Variants in NUDT17 observed in about 807,000 individuals in gnomAD.
NUDT17 encodes the protein m7GpppN-mRNA hydrolase NUDT17.
Under a neutral mutation model 38.6 loss-of-function variants are expected in NUDT17, and 38 were observed. The ratio of observed to expected loss-of-function variants is 0.98; its 90% CI spans 0.76 to 1.29. The LOEUF is 1.29. Ranked by LOEUF, NUDT17 falls within the 50% of genes most tolerant of loss-of-function variation. The pLI is 0.00. For missense variants in NUDT17, 462 were observed against 415.2 expected, an observed-to-expected ratio of 1.11 and a Z score of -0.98; for synonymous variants, 192 against 167.8, an observed-to-expected ratio of 1.14 and a Z score of -1.11.
chr1:145,848,015 C>T (rs1251159888), intron 6 of NUDT17, 97 bp from the exon 7 acceptor site: 2 of 1,384,896 alleles, frequency 1.4e-6, no homozygotes, highest in East Asian at 2.3e-5. Flanking sequence ...CACCCACCCA[C>T]CTCCTGTGGT....
At chr1:145,847,971 C>T in intron 6 of NUDT17, 141 bp from the exon 7 acceptor site, 1 of 989,608 alleles carries the variant, frequency 1.0e-6, no homozygotes. Flanking sequence ...TTTAACCCTC[C>T]TTGAACCTGT....
chr1:145,846,479 A>G (rs1652683417), intron 3 of NUDT17, 21 bp downstream of exon 3: 5 of 1,611,712 alleles, frequency 3.1e-6, no homozygotes, highest in Middle Eastern at 1.7e-4. Context: ...AGCTGATCCA[A>G]CCTGAGCCAA....
chr1:145,846,174 C>T lies in NUDT17; in HGVS notation c.354C>T (p.Ser118=), dbSNP rs138489130. ...LTRRARTLSV[S]PNLWVPPGGH... ...GAAGGGCACGCACCCTGAGCGTTTCCCCCAACCTCTGGGTACCCCCGGGTG... is the reference window on the plus strand; with the variant it reads ...GAAGGGCACGCACCCTGAGCGTTTCTCCCAACCTCTGGGTACCCCCGGGTG... Residue 118 remains serine (S), a synonymous_variant, in exon 2 of 8, where the codon TCC becomes TCT. Coordinates refer to ENST00000334513, the MANE Select transcript of NUDT17 (RefSeq NM_001012758.3). 13 of 1,592,244 alleles carry T rather than the reference C, an allele frequency of 8.2e-6. No homozygotes were observed. The African/African-American group carries it at 1.6e-4, about 20-fold the overall frequency.
chr1:145,846,014 G>C lies in NUDT17; in HGVS notation c.194G>C (p.Arg65Pro). 1 of 1,598,404 alleles carries C rather than the reference G, an allele frequency of 6.3e-7. No individual in the cohort carries two copies. ...PGASARLPLQRPPFCPFAALE... is the reference protein window; with the variant it reads ...PGASARLPLQPPPFCPFAALE... ...ACCCAGCTGGCTTCCTTCTGCCAGCGACCCCCTTTCTGCCCTTTTGCGGCC... is the reference window on the plus strand; with the variant it reads ...ACCCAGCTGGCTTCCTTCTGCCAGCCACCCCCTTTCTGCCCTTTTGCGGCC... Residue 65 changes from arginine (R) to proline (P), a missense_variant and splice_region_variant, in exon 2 of 8, where the codon CGA becomes CCA. By Grantham distance (103) the Arg-to-Pro change is moderately radical. Coordinates refer to ENST00000334513, the MANE Select transcript of NUDT17 (RefSeq NM_001012758.3).
rs1224318327 is a variant in NUDT17, at chr1:145,848,662, T to C, written c.*183T>C. On this transcript the variant is annotated 3_prime_UTR_variant, in exon 8 of 8. Transcript: ENST00000334513. ...AGGGCACAGGGTCCTTCCACCTCCCTGGAAAGGTGCAGAATGAGCCAGGCC... is the reference window on the plus strand; with the variant it reads ...AGGGCACAGGGTCCTTCCACCTCCCCGGAAAGGTGCAGAATGAGCCAGGCC... 1 of 583,582 alleles carries C rather than the reference T, an allele frequency of 1.7e-6. No homozygotes were observed. The highest frequency in any genetic ancestry group is 3.0e-6 in the Non-Finnish European group (1 of 329,550). 36.2% of individuals were successfully genotyped at this position (583,582 alleles called of 1,614,324 possible). A position where few individuals can be genotyped will look rare whatever the true frequency, so the allele number is the denominator to read the frequency against.
At chr1:145,846,781 A>G (rs1652712789) in intron 4 of NUDT17, 91 bp downstream of exon 4, 3 of 882,842 alleles carry the variant, frequency 3.4e-6, no homozygotes, top group Admixed American at 1.7e-5. Context: ...GTGGGCTGGA[A>G]TCCCCAAATC....
intron 2 of NUDT17, 29 bp downstream of exon 2, chr1:145,846,225 T>G: frequency 6.4e-7 from 1 of 1,556,704 alleles, no homozygotes; most frequent in Non-Finnish European, 8.7e-7. Flanking sequence ...AGGCCCCAAG[T>G]ACAGAGAAGA....
Position 145,846,010 on chromosome 1 carries a change from C to T in NUDT17, c.193-3C>T. On this transcript the variant is annotated splice_region_variant and splice_polypyrimidine_tract_variant and intron_variant, in intron 1 of 7. Coordinates refer to ENST00000334513, the MANE Select transcript of NUDT17 (RefSeq NM_001012758.3). ...CTTAACCCAGCTGGCTTCCTTCTGC[C>T]AGCGACCCCCTTTCTGCCCTTTTGC... 6.3e-7 allele frequency: 1 copy of T among 1,596,604 alleles called. No individual in the cohort carries two copies.
At chr1:145,847,465 T>C in intron 5 of NUDT17, 117 bp downstream of exon 5, 8 of 1,455,524 alleles carry the variant, frequency 5.5e-6, no homozygotes, top group African/African-American at 1.4e-5. Flanking sequence ...ACGAAGAATA[T>C]GCAATGCCCT....
chr1:145,846,374 G>C, intron 2 of NUDT17, 59 bp from the exon 3 acceptor site: 2 of 1,605,364 alleles, frequency 1.2e-6, no homozygotes, highest in Non-Finnish European at 1.7e-6. Context: ...TCAACAGTGA[G>C]TGGGGGCTCC....
chr1:145,846,838 C>A (rs1438590018), intron 4 of NUDT17, 148 bp downstream of exon 4: 16 of 677,974 alleles, frequency 2.4e-5, no homozygotes, highest in Non-Finnish European at 4.0e-5. Context: ...ACCATCCACG[C>A]CCTCAGCTTT....
At chr1:145,847,999 G>T in intron 6 of NUDT17, 113 bp from the exon 7 acceptor site, 1 of 1,266,812 alleles carries the variant, frequency 7.9e-7, no homozygotes. Context: ...CTGCAAATGA[G>T]GTCAACACCC....
rs1652805877 is a variant in NUDT17 at position 145,848,217 on chromosome 1, C to G, written c.837C>G (p.Ser279Arg). 1 of 1,614,206 alleles carries G rather than the reference C, an allele frequency of 6.2e-7. No homozygotes were observed. The highest frequency in any genetic ancestry group is 1.1e-5 in the South Asian group (1 of 91,082). ...PTMAEDKERVSTGTKFALKLW... is the reference protein window; with the variant it reads ...PTMAEDKERVRTGTKFALKLW... ...TGGCAGAGGACAAAGAGAGAGTCAG[C>G]ACTGGAACCAAGTTTGCCCTCAAGC... Residue 279 changes from serine to arginine, a missense_variant, in exon 7 of 8, where the codon AGC becomes AGG. Coordinates refer to ENST00000334513, the MANE Select transcript of NUDT17 (RefSeq NM_001012758.3).
At chr1:145,847,510 C>T (rs782529910) in intron 5 of NUDT17, 73 bp from the exon 6 acceptor site, 27 of 1,581,092 alleles carry the variant, frequency 1.7e-5, no homozygotes, top group East Asian at 2.2e-5. Context: ...ATGAAACCTG[C>T]GGGTAGGTTT....
At chr1:145,846,261 T>G (rs782558643) in intron 2 of NUDT17, 65 bp downstream of exon 2, 3 of 1,515,004 alleles carry the variant, frequency 2.0e-6, no homozygotes, top group Non-Finnish European at 2.7e-6. Context: ...CGCAACAATG[T>G]TTTTCCCAGT....
rs1553732067 is a variant in NUDT17, at chr1:145,845,715, C to T, written c.75C>T (p.Gly25=). 2.6e-6 allele frequency: 4 copies of T among 1,554,330 alleles called. No homozygotes were observed. The highest frequency in any genetic ancestry group is 1.9e-5 in the Admixed American group (1 of 51,296). The part of the protein sequence containing the change: ...ESVSFARSVC[G]LLGAGPGLGT... ...TGAGCTTCGCACGGAGTGTGTGTGG[C>T]CTCCTGGGAGCCGGACCAGGGCTCG... Residue 25 remains glycine (G), a synonymous_variant, in exon 1 of 8, where the codon GGC becomes GGT. Transcript: ENST00000334513.
chr1:145,848,940 T>C lies in NUDT17; in HGVS notation c.*461T>C, dbSNP rs782085731. 1 of 160,746 alleles carries C rather than the reference T, an allele frequency of 6.2e-6. No homozygotes were observed. Among genetic ancestry groups the C allele is most frequent in the Non-Finnish European group, 1.4e-5 (1 of 73,942 alleles). 10.0% of individuals were successfully genotyped at this position (160,746 alleles called of 1,614,324 possible). A position where few individuals can be genotyped will look rare whatever the true frequency, so the allele number is the denominator to read the frequency against. ...ATCCACAATCCAAAATAAAGTTCTC[T>C]GTCCATCTCTGAAACTGCCTGTCTC... is the stretch of plus-strand genomic sequence containing the variant. On this transcript the variant is annotated 3_prime_UTR_variant, in exon 8 of 8. Transcript: ENST00000334513.
chr1:145,846,645 C>A lies in NUDT17; in HGVS notation c.450C>A (p.His150Gln). 1 of 1,614,156 alleles carries A rather than the reference C, an allele frequency of 6.2e-7. No homozygotes were observed. Among genetic ancestry groups the A allele is most frequent in the Non-Finnish European group, 8.5e-7 (1 of 1,179,966 alleles). ...AACTTTGGGAGGAGAGTGGACTACA[C>A]CTGCCCCAGGGCCAGTTCTCTTGGG... ...LRELWEESGLHLPQGQFSWVP... is the reference protein window; with the variant it reads ...LRELWEESGLQLPQGQFSWVP... The change falls in exon 4 of 8, where the codon CAC (histidine) becomes CAA (glutamine). Residue 150 changes from histidine to glutamine, a missense_variant. Transcript: ENST00000334513.
chr1:145,846,265 T>A, intron 2 of NUDT17, 69 bp downstream of exon 2: 2 of 1,515,558 alleles, frequency 1.3e-6, no homozygotes, highest in Non-Finnish European at 1.8e-6. Flanking sequence ...ACAATGTTTT[T>A]CCCAGTCTCA....
Sources: allele counts gnomAD v4.1 joint callset, GRCh38; gene constraint gnomAD v4.1.1; transcripts MANE v1.5; gene names NCBI Gene and HGNC (gene_info 2026-07-23, HGNC 2026-07-21).